The following DGKH variants were observed in gnomAD, a reference collection of about 807,000 sequenced individuals.
The protein encoded by DGKH is DAG kinase eta.
Under a neutral mutation model 159.3 loss-of-function variants are expected in DGKH, and 90 were observed. The observed-to-expected ratio is 0.57, with a 90% confidence interval of 0.48 to 0.67. The LOEUF (loss-of-function observed/expected upper bound fraction) is 0.67, where lower values mean the gene tolerates loss of function less well. Ranked by LOEUF, DGKH falls within the 30% of genes least tolerant of loss-of-function variation. The pLI is 0.00. For missense variants in DGKH, 1,181 were observed against 1,506.1 expected (o/e 0.78, Z 3.57); for synonymous variants, 536 against 553.8 (o/e 0.97, Z 0.45).
chr13:42,080,537 T>A (rs996590540), intron 1 of DGKH, among the ~76,000 whole-genome samples: 2 of 152,242 alleles, frequency 1.3e-5, no homozygotes, highest in African/African-American at 4.8e-5. Flanking sequence ...TTCTTGGTCA[T>A]AATCTCTTGA....
rs530475637 is a variant in DGKH at position 42,110,271 on chromosome 13, C to T, written c.193-17192C>T. On this transcript the variant is annotated intron_variant, in intron 1 of 29. Coordinates refer to ENST00000337343, the MANE Select transcript of DGKH (RefSeq NM_178009.5). ...ATCCCACCCTTGACCTTACCACTGA[C>T]CCCCAGCTCCTCCTGCAGCCACAAA... Among the ~76,000 whole-genome samples, 18 of 152,286 alleles carry T rather than the reference C, an allele frequency of 1.2e-4. No homozygotes were observed. In the South Asian group the frequency reaches 3.5e-3, roughly 30 times the overall value.
At chr13:42,046,664 A>C (rs1053407425), upstream of DGKH, among the ~76,000 whole-genome samples, 1 of 152,250 alleles carries the variant, frequency 6.6e-6, no homozygotes, top group Non-Finnish European at 1.5e-5. Flanking sequence ...CAGGCTGGGC[A>C]TTAGATAATG....
chr13:42,254,655 T>C (rs1448300404), intron 30 of DGKH, among the ~76,000 whole-genome samples: 1 of 151,934 alleles, frequency 6.6e-6, no homozygotes, highest in Non-Finnish European at 1.5e-5. Context: ...AAGAATGTTA[T>C]ATAGTTATAC....
chr13:42,250,770 T>C lies in DGKH; in HGVS notation n.4055-1639T>C, dbSNP rs144941088. Among the ~76,000 whole-genome samples, 1,168 of 152,294 alleles carry C rather than the reference T, an allele frequency of 7.7e-3. 9 individuals are homozygous for C. The highest frequency in any genetic ancestry group is 0.017 in the Middle Eastern group (5 of 294). On this transcript the variant is annotated intron_variant and non_coding_transcript_variant, in intron 29 of 30. Transcript: ENST00000498255. ...AATATTAAGCATCTCATGGCTACTA[T>C]AAAAGGTTGTTCAGCCTAAAGGCAT...
chr13:42,040,955 C>G (rs1303378636), intron 1 of DGKH, among the ~76,000 whole-genome samples: 1 of 151,016 alleles, frequency 6.6e-6, no homozygotes, highest in Non-Finnish European at 1.5e-5. Flanking sequence ...GGGTACCGCG[C>G]CCGCGCCCAC....
chr13:42,219,888 G>A, intron 28 of DGKH, 94 bp downstream of exon 28: 1 of 1,097,368 alleles, frequency 9.1e-7, no homozygotes, highest in Non-Finnish European at 1.3e-6. Context: ...TCTGGAGCTA[G>A]ATGGTGGTTG....
At chr13:42,143,697 A>G (rs1201493727) in intron 3 of DGKH, among the ~76,000 whole-genome samples, 4 of 152,122 alleles carry the variant, frequency 2.6e-5, no homozygotes, top group Non-Finnish European at 4.4e-5. Flanking sequence ...AGAGGTGTTT[A>G]TAGTATTCTC....
chr13:42,256,094 A>C, intron 30 of DGKH: 1 of 1,216,032 alleles, frequency 8.2e-7, no homozygotes, highest in Non-Finnish European at 1.2e-6. Flanking sequence ...TGAACCAGGA[A>C]GTAGTATCAT....
At position 42,082,645 on chromosome 13, in the gene DGKH, A is replaced by C. The variant is rs139660952; in HGVS notation, c.192+33680A>C. On this transcript the variant is annotated intron_variant, in intron 1 of 29. Transcript: ENST00000337343. ...TTGTAAAATAATGCTAGGTTGCTCC[A>C]AGTAGTCAGTATTTTCAAGTCACCA... Among the ~76,000 whole-genome samples the C allele has an allele frequency of 3.9e-3, 587 of 152,298 alleles. 6 individuals carry two copies. The highest frequency in any genetic ancestry group is 0.014 in the African/African-American group (565 of 41,566).
At chr13:42,070,851 A>G in intron 1 of DGKH, 2 of 1,308,150 alleles carry the variant, frequency 1.5e-6, no homozygotes, top group East Asian at 4.6e-5. Flanking sequence ...CAGGAATTTC[A>G]AACACTTTCA....
At chr13:42,165,647 T>C (rs892006075) in intron 8 of DGKH, among the ~76,000 whole-genome samples, 1 of 152,156 alleles carries the variant, frequency 6.6e-6, no homozygotes, top group Admixed American at 6.6e-5. Flanking sequence ...GCGAAATTAC[T>C]GTATATAAGA....
At position 42,111,123 on chromosome 13, in the gene DGKH, G is replaced by T. The variant is rs960990636; in HGVS notation, c.193-16340G>T. ...AAAGAAGGTACATATAAAAAAAGGA[G>T]AGACAGCTTAATTTTAGAAATTAAT... On this transcript the variant is annotated intron_variant, in intron 1 of 29. Coordinates refer to ENST00000337343, the MANE Select transcript of DGKH (RefSeq NM_178009.5). Among the ~76,000 whole-genome samples the T allele has an allele frequency of 2.0e-5, 3 of 152,224 alleles. No homozygotes were observed. In the South Asian group the frequency reaches 6.2e-4, roughly 32 times the overall value.
In DGKH at chr13:42,199,398, T is replaced by C. The variant is rs149105863; in HGVS notation, c.2286-168T>C. ...ACATGTACCAGAAATTGTACACATG[T>C]CCTGTGGTTGTACACATGGCATAGG... On this transcript the variant is annotated intron_variant, in intron 18 of 29. Transcript: ENST00000337343. Among the ~76,000 whole-genome samples, 226 of 152,362 alleles carry C rather than the reference T, an allele frequency of 1.5e-3. 1 individual carries two copies. Among genetic ancestry groups the C allele is most frequent in the African/African-American group, 5.1e-3 (214 of 41,596 alleles).
chr13:42,050,884 C>G (rs554642717), intron 1 of DGKH, among the ~76,000 whole-genome samples: 16 of 152,190 alleles, frequency 1.1e-4, no homozygotes, highest in African/African-American at 2.7e-4. Context: ...AACAAACAAA[C>G]GTGTATGTTA....
rs1555284476 is a variant in DGKH, at chr13:42,249,977, G to GT, written n.4055-2420dup. Among the ~76,000 whole-genome samples, 349 of 141,580 alleles carry GT rather than the reference G, an allele frequency of 2.5e-3. 1 individual carries two copies. Among genetic ancestry groups the GT allele is most frequent in the South Asian group, 0.017 (74 of 4,440 alleles). The allele number at this position is 141,580 out of a possible 152,430, so 92.9% of individuals were successfully genotyped here. A position where few individuals can be genotyped will look rare whatever the true frequency, so the allele number is the denominator to read the frequency against. ...CCAGCTCCAGTTTTTTTGTTTTTTTGTTTTTTTTTTTTAGATGGAGTCTTG... is the reference window on the plus strand; with the variant it reads ...CCAGCTCCAGTTTTTTTGTTTTTTTGTTTTTTTTTTTTTAGATGGAGTCTTG... On this transcript the variant is annotated intron_variant and non_coding_transcript_variant, in intron 29 of 30. Coordinates refer to the DGKH transcript ENST00000498255.
At position 42,189,310 on chromosome 13, in the gene DGKH, G is replaced by A; in HGVS notation, c.1912+1G>A. On this transcript the variant is annotated splice_donor_variant, in intron 15 of 29. Coordinates refer to ENST00000337343, the MANE Select transcript of DGKH (RefSeq NM_178009.5). LOFTEE classifies it high-confidence loss of function. The stretch of plus-strand genomic sequence containing the variant: ...CAAGTCATTGAGGAAGCCGGAAAAG[G>A]TACACATTAACAAATTTAGCTTTGG... 1 of 1,613,648 alleles carries A rather than the reference G, an allele frequency of 6.2e-7. No individual in the cohort carries two copies.
chr13:42,256,550 A>C (rs553409872), exon 31 of DGKH: 1 of 727,678 alleles, frequency 1.4e-6, no homozygotes, highest in South Asian at 1.5e-5. Flanking sequence ...GTAAATTTAT[A>C]ATGAAAATAA....
At chr13:42,177,993 A>G in intron 12 of DGKH, 142 bp from the exon 13 acceptor site, 1 of 430,398 alleles carries the variant, frequency 2.3e-6, no homozygotes, top group Non-Finnish European at 4.0e-6. Flanking sequence ...TCTATTTTGC[A>G]TGATGACTCT....
chr13:42,050,413 T>A (rs1441570474), intron 1 of DGKH, among the ~76,000 whole-genome samples: 2 of 152,130 alleles, frequency 1.3e-5, no homozygotes, highest in Non-Finnish European at 2.9e-5. Context: ...CTGAAATACA[T>A]GTGTGTAAGA....
Sources: allele counts gnomAD v4.1 joint callset (sites outside exome capture counted in the v4.1 genomes callset), GRCh38; gene constraint gnomAD v4.1.1; transcripts MANE v1.5; gene names NCBI Gene and HGNC (gene_info 2026-07-23, HGNC 2026-07-21).